The following CCSER1 variants were observed in gnomAD, a reference collection of about 807,000 sequenced individuals.
CCSER1 encodes coiled-coil serine rich protein 1.
In CCSER1, 41 loss-of-function variants were observed where a neutral mutation model predicts 82.0. That is an observed-to-expected ratio of 0.50 (90% CI 0.39 to 0.65). The LOEUF (loss-of-function observed/expected upper bound fraction) is 0.65. Among genes scored for constraint, CCSER1 ranks in the 30% least tolerant of loss-of-function variants. CCSER1 has a pLI of 0.00. For missense variants in CCSER1, 1,119 were observed against 1,064.2 expected, an observed-to-expected ratio of 1.05 and a Z score of -0.72; for synonymous variants, 414 against 383.9, an observed-to-expected ratio of 1.08 and a Z score of -0.92.
chr4:90,624,316 A>G (rs1307490866), intron 5 of CCSER1, among the ~76,000 whole-genome samples: 1 of 152,216 alleles, frequency 6.6e-6, no homozygotes, highest in Non-Finnish European at 1.5e-5. Flanking sequence ...CCATTTTATT[A>G]AGAAGTTTTC....
At chr4:90,757,933 C>CT (rs200053849) in intron 7 of CCSER1, among the ~76,000 whole-genome samples, 1,727 of 136,454 alleles carry the variant, frequency 0.013, 30 homozygotes, top group African/African-American at 0.038. Context: ...GTTTCCTTTT[C>CT]TTTTTTTTTT....
intron 10 of CCSER1, among the ~76,000 whole-genome samples, chr4:91,147,184 G>A (rs959821258): frequency 2.0e-5 from 3 of 152,206 alleles, no homozygotes; most frequent in African/African-American, 7.2e-5. Context: ...GGTCAAGAGT[G>A]AGGGAACGCC....
At chr4:91,367,270 T>C (rs373412814) in intron 10 of CCSER1, among the ~76,000 whole-genome samples, 230 of 146,192 alleles carry the variant, frequency 1.6e-3, no homozygotes, top group African/African-American at 5.7e-3. Flanking sequence ...TGAGCCAAGA[T>C]TGCACCGCTG....
chr4:90,958,838 C>T (rs973850685), intron 9 of CCSER1, among the ~76,000 whole-genome samples: 1 of 152,164 alleles, frequency 6.6e-6, no homozygotes, highest in African/African-American at 2.4e-5. Context: ...GCCACCCAGA[C>T]TATGGTATTT....
intron 8 of CCSER1, among the ~76,000 whole-genome samples, chr4:90,848,726 C>T (rs534718984): frequency 1.1e-4 from 16 of 152,290 alleles, no homozygotes; most frequent in East Asian, 1.9e-4. Context: ...ATAATCCCCA[C>T]GTATCAAGGA....
intron 8 of CCSER1, among the ~76,000 whole-genome samples, chr4:90,910,056 G>A (rs142684070): frequency 6.6e-6 from 1 of 152,158 alleles, no homozygotes; most frequent in African/African-American, 2.4e-5. Context: ...GCTCATGATG[G>A]AAGGAGAAGG....
intron 10 of CCSER1, among the ~76,000 whole-genome samples, chr4:91,576,180 T>G (rs1444818589): frequency 6.6e-6 from 1 of 152,010 alleles, no homozygotes; most frequent in East Asian, 1.9e-4. Flanking sequence ...GTCAATTATC[T>G]ATGTCTAAAT....
chr4:90,922,873 G>T lies in CCSER1; in HGVS notation c.2095-497G>T, dbSNP rs575719018. Among the ~76,000 whole-genome samples the T allele has an allele frequency of 7.2e-5, 11 of 152,212 alleles. No individual in the cohort carries two copies. In the South Asian group the frequency reaches 1.9e-3, roughly 26 times the overall value. ...ACTTCCCTTCCCTAGTTATCACAGG[G>T]TCGGATTTGTGTCAGTCTCTTAAGG... is the stretch of plus-strand genomic sequence containing the variant. On this transcript the variant is annotated intron_variant, in intron 8 of 10. Coordinates refer to ENST00000509176, the MANE Select transcript of CCSER1 (RefSeq NM_001145065.2).
chr4:90,717,165 G>A (rs538198220), intron 6 of CCSER1, among the ~76,000 whole-genome samples: 192 of 152,270 alleles, frequency 1.3e-3, no homozygotes, highest in Non-Finnish European at 2.4e-3. Flanking sequence ...GTGACTGGCA[G>A]GAAATGTTGA....
At chr4:90,988,269 A>C (rs1736728493) in intron 9 of CCSER1, among the ~76,000 whole-genome samples, 1 of 145,876 alleles carries the variant, frequency 6.9e-6, no homozygotes, top group Admixed American at 7.0e-5. Context: ...AGGAAGGTCA[A>C]GACTGCAGTT....
intron 4 of CCSER1, among the ~76,000 whole-genome samples, chr4:90,430,989 A>C (rs1272963127): frequency 6.6e-6 from 1 of 151,962 alleles, no homozygotes; most frequent in African/African-American, 2.4e-5. Context: ...GCTGAACACA[A>C]ATTTTTTAAA....
chr4:90,411,683 C>G (rs1402564693), intron 4 of CCSER1, among the ~76,000 whole-genome samples: 1 of 152,156 alleles, frequency 6.6e-6, no homozygotes, highest in South Asian at 2.1e-4. Flanking sequence ...TGGACAAAAA[C>G]TGGAAGCATT....
At chr4:91,066,636 A>T (rs1021566503) in intron 9 of CCSER1, among the ~76,000 whole-genome samples, 2 of 152,196 alleles carry the variant, frequency 1.3e-5, no homozygotes, top group African/African-American at 4.8e-5. Context: ...ACAAATACTG[A>T]CATCATATAT....
intron 6 of CCSER1, among the ~76,000 whole-genome samples, chr4:90,694,839 A>C (rs1736719976): frequency 6.7e-6 from 1 of 149,042 alleles, no homozygotes; most frequent in South Asian, 2.1e-4. Flanking sequence ...TTAGTTTATG[A>C]AACCAATTTA....
At chr4:90,458,111 A>G (rs975170628) in intron 4 of CCSER1, among the ~76,000 whole-genome samples, 1 of 152,174 alleles carries the variant, frequency 6.6e-6, no homozygotes, top group African/African-American at 2.4e-5. Flanking sequence ...TGCTGAGATC[A>G]GGGGAATTCC....
At chr4:90,598,145 G>C (rs1427241646) in intron 5 of CCSER1, among the ~76,000 whole-genome samples, 1 of 152,034 alleles carries the variant, frequency 6.6e-6, no homozygotes, top group Non-Finnish European at 1.5e-5. Context: ...CATATCTTTT[G>C]AGTCTATTCC....
chr4:90,713,011 T>A (rs532463442), intron 6 of CCSER1, among the ~76,000 whole-genome samples: 1 of 151,896 alleles, frequency 6.6e-6, no homozygotes, highest in East Asian at 1.9e-4. Context: ...TTTTCCTCCA[T>A]CCCTTAATTT....
chr4:90,391,137 G>T (rs1750952194), intron 3 of CCSER1, among the ~76,000 whole-genome samples: 1 of 149,954 alleles, frequency 6.7e-6, no homozygotes, highest in Non-Finnish European at 1.5e-5. Context: ...GCTGAGCATG[G>T]TGGCATGTGC....
At chr4:91,129,849 A>C (rs141999449) in intron 10 of CCSER1, 1 of 152,164 alleles carries the variant, frequency 6.6e-6, no homozygotes, top group East Asian at 1.9e-4. Flanking sequence ...CCAGGTGGCA[A>C]AATGTACCCA....
Sources: allele counts gnomAD v4.1 joint callset (sites outside exome capture counted in the v4.1 genomes callset), GRCh38; gene constraint gnomAD v4.1.1; transcripts MANE v1.5; gene names NCBI Gene and HGNC (gene_info 2026-07-23, HGNC 2026-07-21).